The following SPTBN1 variants were observed in gnomAD, a reference collection of about 807,000 sequenced individuals.
SPTBN1 encodes the protein spectrin beta, non-erythrocytic 1, also known as spectrin beta chain, non-erythrocytic 1.
A neutral mutation model predicts 266.4 loss-of-function variants in SPTBN1; 32 were observed. The ratio of observed to expected loss-of-function variants is 0.12; its 90% confidence interval spans 0.09 to 0.16. SPTBN1 has a LOEUF of 0.16. SPTBN1 is among the 10% of genes least tolerant of loss of function. The probability of loss-of-function intolerance (pLI) is 1.00; values close to 1 mark genes in which losing one functional copy is unlikely to be tolerated. For synonymous variants in SPTBN1, 1,336 were observed against 1,162.2 expected (o/e 1.15, Z -3.04); for missense variants, 2,296 against 3,067.1 (o/e 0.75, Z 5.94).
At chr2:54,625,788 A>C (rs968852066) in intron 11 of SPTBN1, 144 bp from the exon 12 acceptor site, 3 of 865,346 alleles carry the variant, frequency 3.5e-6, no homozygotes, top group Non-Finnish European at 5.2e-6. Context: ...ACAGGGTTTC[A>C]CAATGTTGGC....
At chr2:54,637,150 G>A (rs1679206031) in intron 17 of SPTBN1, among the ~76,000 whole-genome samples, 1 of 152,086 alleles carries the variant, frequency 6.6e-6, no homozygotes, top group African/African-American at 2.4e-5. Context: ...ACTTCTTTGA[G>A]CTTTAGTTAC....
intron 2 of SPTBN1, among the ~76,000 whole-genome samples, chr2:54,579,039 C>T (rs1429155208): frequency 6.6e-6 from 1 of 152,138 alleles, no homozygotes; most frequent in Non-Finnish European, 1.5e-5. Flanking sequence ...ATGTATTAGG[C>T]TGGTGCAAAA....
chr2:54,634,882 C>T (rs973054594), intron 17 of SPTBN1, among the ~76,000 whole-genome samples: 7 of 152,158 alleles, frequency 4.6e-5, no homozygotes, highest in Non-Finnish European at 1.0e-4. Flanking sequence ...AGAGACTGTC[C>T]TCAGCCTGCC....
intron 2 of SPTBN1, among the ~76,000 whole-genome samples, chr2:54,560,425 T>C (rs1673219744): frequency 6.6e-6 from 1 of 152,116 alleles, no homozygotes; most frequent in South Asian, 2.1e-4. Context: ...AGTGCACCCC[T>C]AGGCCCACCC....
chr2:54,608,372 A>T (rs1479879579), intron 3 of SPTBN1, among the ~76,000 whole-genome samples: 1 of 152,150 alleles, frequency 6.6e-6, no homozygotes, highest in Non-Finnish European at 1.5e-5. Flanking sequence ...TGAGAACCAG[A>T]ATGATTGGAA....
chr2:54,612,136 T>G (rs1380585806), intron 3 of SPTBN1, 25 bp from the exon 4 acceptor site: 10 of 1,563,676 alleles, frequency 6.4e-6, no homozygotes, highest in Non-Finnish European at 8.7e-6. Context: ...GTGATGTGTC[T>G]CTACCTCTGC....
At chr2:54,596,077 C>G (rs78439220) in intron 2 of SPTBN1, among the ~76,000 whole-genome samples, 5,908 of 152,194 alleles carry the variant, frequency 0.039, 145 homozygotes, top group Admixed American at 0.087. Context: ...GCCTGGAAGT[C>G]GGCTCACTGC....
At chr2:54,457,695 G>A (rs1183632139) in intron 1 of SPTBN1, among the ~76,000 whole-genome samples, 2 of 152,190 alleles carry the variant, frequency 1.3e-5, no homozygotes, top group East Asian at 1.9e-4. Context: ...TGCGGCCCCC[G>A]CCCGGCCCCA....
At position 54,630,837 on chromosome 2, in the gene SPTBN1, C is replaced by T. The variant is rs1397871191; in HGVS notation, c.2808-18C>T. 6.5e-7 allele frequency: 1 copy of T among 1,544,714 alleles called. No individual in the cohort carries two copies. The highest frequency in any genetic ancestry group is 1.3e-5 in the South Asian group (1 of 79,440). On this transcript the variant is annotated intron_variant, in intron 15 of 35. Coordinates refer to ENST00000356805, the MANE Select transcript of SPTBN1 (RefSeq NM_003128.3). ...GTCTTCCCTTTTTCACACTCGCTGT[C>T]TGCCCCTGCACTCACAGGTGGAGCC...
intron 1 of SPTBN1, among the ~76,000 whole-genome samples, chr2:54,478,571 A>G (rs781569728): frequency 2.0e-5 from 3 of 152,202 alleles, no homozygotes; most frequent in Non-Finnish European, 2.9e-5. Flanking sequence ...CCGAGAGGCT[A>G]GGTGCAATCA....
At chr2:54,458,123 T>G (rs1470527785) in intron 1 of SPTBN1, among the ~76,000 whole-genome samples, 2 of 152,272 alleles carry the variant, frequency 1.3e-5, no homozygotes, top group East Asian at 3.8e-4. Context: ...GTTTATTAAT[T>G]GGACCTTCAC....
At chr2:54,485,867 C>T (rs1163398564) in intron 1 of SPTBN1, among the ~76,000 whole-genome samples, 2 of 151,208 alleles carry the variant, frequency 1.3e-5, no homozygotes, top group African/African-American at 2.4e-5. Context: ...GTGAGGAGCG[C>T]CTCTGCCCGG....
intron 1 of SPTBN1, among the ~76,000 whole-genome samples, chr2:54,457,781 G>T (rs1337124045): frequency 6.6e-6 from 1 of 152,230 alleles, no homozygotes; most frequent in Admixed American, 6.5e-5. Flanking sequence ...TGGATGTGGC[G>T]TCAGGAGGAC....
intron 1 of SPTBN1, among the ~76,000 whole-genome samples, chr2:54,511,563 T>C (rs1669859840): frequency 6.6e-6 from 1 of 152,132 alleles, no homozygotes. Context: ...TACATTGTAA[T>C]ATATAATGAA....
chr2:54,667,296 C>T (rs1402252956), intron 34 of SPTBN1, among the ~76,000 whole-genome samples: 2 of 152,218 alleles, frequency 1.3e-5, no homozygotes, highest in African/African-American at 2.4e-5. Flanking sequence ...AGTAAGTGAT[C>T]AGGCATCCAC....
At chr2:54,579,207 A>C (rs1674702616) in intron 2 of SPTBN1, among the ~76,000 whole-genome samples, 1 of 152,070 alleles carries the variant, frequency 6.6e-6, no homozygotes, top group Non-Finnish European at 1.5e-5. Flanking sequence ...TTTCAGTTGC[A>C]GTGTTCTTAG....
rs536688970 is a variant in SPTBN1, at chr2:54,626,444, C to G, written c.1644+210C>G. 6.6e-6 allele frequency among the ~76,000 whole-genome samples: 1 copy of G among 152,350 alleles called. No homozygotes were observed. The highest frequency in any genetic ancestry group is 1.9e-4 in the East Asian group (1 of 5,186). On this transcript the variant is annotated intron_variant, in intron 12 of 35. Coordinates refer to ENST00000356805, the MANE Select transcript of SPTBN1 (RefSeq NM_003128.3). This position sits in a 1 kb window ranked among gnomAD's most constrained non-coding sequence, Gnocchi z 4.7. ...TGTGAAAAAGTTGTAGAGACCAGTT[C>G]AGTAGCCAGAGCTCTGTTTCTGTGA...
At chr2:54,470,306 T>C (rs1693855363) in intron 1 of SPTBN1, among the ~76,000 whole-genome samples, 1 of 152,258 alleles carries the variant, frequency 6.6e-6, no homozygotes, top group Non-Finnish European at 1.5e-5. Flanking sequence ...GCATTTTTTA[T>C]TCTTAATTAT....
At chr2:54,637,830 C>G (rs779223339) in intron 18 of SPTBN1, 27 bp downstream of exon 18, 3 of 1,565,248 alleles carry the variant, frequency 1.9e-6, no homozygotes, top group Admixed American at 3.4e-5. Context: ...TCCCTCTATT[C>G]CTGTGTTCCA....
Sources: allele counts gnomAD v4.1 joint callset (sites outside exome capture counted in the v4.1 genomes callset), GRCh38; gene constraint gnomAD v4.1.1; non-coding constraint Gnocchi (gnomAD v3.1); transcripts MANE v1.5; gene names NCBI Gene and HGNC (gene_info 2026-07-23, HGNC 2026-07-21).